The following FRRS1 variants were observed in gnomAD, a reference collection of about 807,000 sequenced individuals.
The protein encoded by FRRS1 is ferric chelate reductase 1.
FRRS1 carries 51 observed loss-of-function variants against 70.7 expected under a neutral mutation model. The observed-to-expected ratio is 0.72, with a 90% confidence interval of 0.58 to 0.91. FRRS1 has a LOEUF of 0.91. Among genes scored for constraint, FRRS1 ranks in the 40% least tolerant of loss-of-function variants. FRRS1 has a pLI of 0.00. For synonymous variants in FRRS1, 225 were observed against 238.7 expected, an observed-to-expected ratio of 0.94 and a Z score of 0.53; for missense variants, 672 against 726.0, an observed-to-expected ratio of 0.93 and a Z score of 0.86.
intron 5 of FRRS1, among the ~76,000 whole-genome samples, chr1:99,741,959 T>C (rs555133283): frequency 2.0e-5 from 3 of 152,334 alleles, no homozygotes; most frequent in African/African-American, 7.2e-5. Flanking sequence ...GTCCAATAGG[T>C]ACAGAAAATG....
rs1241148047 is a variant in FRRS1 at position 99,704,924 on chromosome 1, A to G, written c.*4104T>C. The stretch of plus-strand genomic sequence containing the variant: ...CATCTGCTGAGAGCTACTTCTACTC[A>G]GTAAAACCTTGCACTCGTTCTTCAA... On this transcript the variant is annotated 3_prime_UTR_variant, in exon 17 of 17. Coordinates refer to ENST00000646001, the MANE Select transcript of FRRS1 (RefSeq NM_001361041.2). 6.6e-6 allele frequency among the ~76,000 whole-genome samples: 1 copy of G among 152,168 alleles called. No individual in the cohort carries two copies. The highest frequency in any genetic ancestry group is 2.4e-5 in the African/African-American group (1 of 41,430).
chr1:99,724,440 A>T (rs2100928526), intron 9 of FRRS1, among the ~76,000 whole-genome samples: 1 of 152,356 alleles, frequency 6.6e-6, no homozygotes, highest in Non-Finnish European at 1.5e-5. Flanking sequence ...CCAAGACAGG[A>T]CAATGTCAGC....
chr1:99,738,196 C>A lies in FRRS1; in HGVS notation c.649G>T (p.Ala217Ser). The stretch of plus-strand genomic sequence containing the variant: ...GTGAAGGACAAGAAGACACAGGAAG[C>A]CTCCTTCTCTGGGTCACAGTTCAAA... ...SPLNCDPEKE[A>S]SCVFLSFTRD... is the part of the protein sequence containing the mutation. The change falls in exon 7 of 17, where the codon GCT becomes TCT. Residue 217 changes from alanine to serine, a missense_variant. Physicochemically the swap from Ala to Ser is moderately conservative, Grantham distance 99. Coordinates refer to ENST00000646001, the MANE Select transcript of FRRS1 (RefSeq NM_001361041.2). 1 of 1,613,788 alleles carries A rather than the reference C, an allele frequency of 6.2e-7. No homozygotes were observed. Among genetic ancestry groups the A allele is most frequent in the Non-Finnish European group, 8.5e-7 (1 of 1,179,720 alleles).
chr1:99,747,493 G>A, intron 3 of FRRS1, 63 bp from the exon 4 acceptor site: 6 of 1,484,304 alleles, frequency 4.0e-6, no homozygotes, highest in Non-Finnish European at 4.6e-6. Flanking sequence ...ATGTTTAGAG[G>A]TTGTACATTA....
rs552206257 is a variant in FRRS1 at position 99,704,763 on chromosome 1, A to C, written c.*4265T>G. Among the ~76,000 whole-genome samples the C allele has an allele frequency of 3.9e-5, 6 of 152,210 alleles. No individual in the cohort carries two copies. In the East Asian group the frequency reaches 1.2e-3, roughly 30 times the overall value. On this transcript the variant is annotated 3_prime_UTR_variant, in exon 17 of 17. Coordinates refer to ENST00000646001, the MANE Select transcript of FRRS1 (RefSeq NM_001361041.2). ...GCACGCCAGAGGAAGAGCACACGACAGATCCCAGCATGCCGACAGGCCACG... is the reference window on the plus strand; with the variant it reads ...GCACGCCAGAGGAAGAGCACACGACCGATCCCAGCATGCCGACAGGCCACG...
intron 7 of FRRS1, among the ~76,000 whole-genome samples, chr1:99,732,332 A>G (rs1332703379): frequency 6.6e-6 from 1 of 152,180 alleles, no homozygotes; most frequent in East Asian, 1.9e-4. Flanking sequence ...GCCCCTCTCA[A>G]GTCAAGCATT....
chr1:99,763,377 A>C (rs1252093101), intron 1 of FRRS1, among the ~76,000 whole-genome samples: 1 of 152,200 alleles, frequency 6.6e-6, no homozygotes, highest in East Asian at 1.9e-4. Context: ...ACTATGCTCA[A>C]ACTAGGTAGA....
intron 10 of FRRS1, 112 bp from the exon 11 acceptor site, chr1:99,717,637 T>C: frequency 1.4e-6 from 1 of 711,190 alleles, no homozygotes; most frequent in Non-Finnish European, 2.5e-6. Flanking sequence ...TACATTCAGC[T>C]GACATAAGTA....
chr1:99,715,822 A>AC, intron 11 of FRRS1, 150 bp from the exon 12 acceptor site: 1 of 553,222 alleles, frequency 1.8e-6, no homozygotes. Flanking sequence ...TAGCCAGGTT[A>AC]AGAAAAAAAA....
chr1:99,711,199 T>C (rs1171515279), intron 14 of FRRS1, among the ~76,000 whole-genome samples: 1 of 152,132 alleles, frequency 6.6e-6, no homozygotes, highest in East Asian at 1.9e-4. Flanking sequence ...AATGCTGGAG[T>C]TTGGCCTTCT....
intron 4 of FRRS1, among the ~76,000 whole-genome samples, chr1:99,743,505 G>A (rs1298067737): frequency 6.6e-6 from 1 of 151,822 alleles, no homozygotes; most frequent in East Asian, 1.9e-4. Flanking sequence ...AAAATATATA[G>A]GTATTAGTCT....
At chr1:99,721,645 C>T (rs894558023) in intron 9 of FRRS1, among the ~76,000 whole-genome samples, 15 of 150,690 alleles carry the variant, frequency 1.0e-4, no homozygotes, top group Non-Finnish European at 2.2e-4. Context: ...GTCGCCCAGG[C>T]TGGAGTGCAG....
At chr1:99,714,791 G>A (rs1016390518) in intron 12 of FRRS1, among the ~76,000 whole-genome samples, 1 of 152,142 alleles carries the variant, frequency 6.6e-6, no homozygotes, top group Admixed American at 6.5e-5. Context: ...GGTGGCAGTG[G>A]GTAGAACAGG....
At chr1:99,744,794 T>C (rs1190255565) in intron 4 of FRRS1, among the ~76,000 whole-genome samples, 2 of 145,576 alleles carry the variant, frequency 1.4e-5, no homozygotes, top group South Asian at 2.2e-4. Flanking sequence ...CCAAAAATAA[T>C]AACAATAATA....
At chr1:99,714,161 A>AC (rs1228939221) in intron 12 of FRRS1, among the ~76,000 whole-genome samples, 2 of 151,930 alleles carry the variant, frequency 1.3e-5, no homozygotes. Flanking sequence ...AGTTTGAGGT[A>AC]CAAGAATGGC....
chr1:99,710,514 G>A (rs74944871), intron 15 of FRRS1, among the ~76,000 whole-genome samples: 107 of 152,286 alleles, frequency 7.0e-4, no homozygotes, highest in African/African-American at 2.4e-3. Flanking sequence ...GGCATTCAGA[G>A]TTCCCAGTCC....
intron 9 of FRRS1, among the ~76,000 whole-genome samples, chr1:99,722,454 G>A (rs1654882883): frequency 6.6e-6 from 1 of 152,044 alleles, no homozygotes. Flanking sequence ...AATCACTTAT[G>A]AATATAGATG....
chr1:99,763,870 A>C (rs1657229563), intron 1 of FRRS1, among the ~76,000 whole-genome samples: 1 of 91,634 alleles, frequency 1.1e-5, no homozygotes, highest in African/African-American at 1.8e-4. Context: ...CTCTGTCTCA[A>C]AAAAAAAAAA....
At chr1:99,732,726 A>G (rs1291342674) in intron 7 of FRRS1, among the ~76,000 whole-genome samples, 1 of 152,182 alleles carries the variant, frequency 6.6e-6, no homozygotes, top group Non-Finnish European at 1.5e-5. Flanking sequence ...AAATTCTAGA[A>G]GTATTCCCAA....
Sources: gnomAD v4.1 joint callset for allele counts (sites outside exome capture counted in the v4.1 genomes callset) on GRCh38, gnomAD v4.1.1 for gene constraint, MANE v1.5 for transcripts, NCBI Gene and HGNC (gene_info 2026-07-23, HGNC 2026-07-21) for gene names.